GRHL1: variants seen among roughly 807,000 people sequenced by gnomAD.
GRHL1 encodes the protein grainyhead like transcription factor 1.
A neutral mutation model predicts 75.7 loss-of-function variants in GRHL1; 38 were observed. That is an observed-to-expected ratio of 0.50 (90% CI 0.39 to 0.66). GRHL1 has a LOEUF of 0.66. Among genes scored for constraint, GRHL1 ranks in the 30% least tolerant of loss-of-function variants. GRHL1 has a pLI of 0.00. For synonymous variants in GRHL1, 266 were observed against 279.4 expected, an observed-to-expected ratio of 0.95 and a Z score of 0.48; for missense variants, 589 against 767.5, an observed-to-expected ratio of 0.77 and a Z score of 2.75.
intron 7 of GRHL1, chr2:9,964,952 C>T (rs1402284189): frequency 4.3e-6 from 1 of 233,488 alleles, no homozygotes; most frequent in African/African-American, 2.3e-5. Context: ...TTGTAATGCT[C>T]TTGTTTCCTT....
chr2:10,000,186 A>G (rs752022373), intron 15 of GRHL1, among the ~76,000 whole-genome samples: 1 of 152,178 alleles, frequency 6.6e-6, no homozygotes, highest in East Asian at 1.9e-4. Context: ...GGATCTTGCT[A>G]TGTTATCCAG....
chr2:9,955,835 C>G (rs114654696), intron 2 of GRHL1, among the ~76,000 whole-genome samples: 1 of 152,372 alleles, frequency 6.6e-6, no homozygotes, highest in Non-Finnish European at 1.5e-5. Context: ...GCATACCGCT[C>G]TCCTTCTGGA....
chr2:9,981,099 A>G (rs1460681581), intron 8 of GRHL1, among the ~76,000 whole-genome samples: 8 of 152,202 alleles, frequency 5.3e-5, no homozygotes, highest in Admixed American at 3.3e-4. Flanking sequence ...GACCCAAGGG[A>G]GAGCTCTGGC....
intron 8 of GRHL1, among the ~76,000 whole-genome samples, chr2:9,976,560 G>A (rs1667955696): frequency 6.6e-6 from 1 of 152,186 alleles, no homozygotes; most frequent in Admixed American, 6.5e-5. Context: ...TTGAGGCTGT[G>A]TAATGTGTTT....
At chr2:9,969,936 A>G (rs1041791459) in intron 8 of GRHL1, among the ~76,000 whole-genome samples, 1 of 141,572 alleles carries the variant, frequency 7.1e-6, no homozygotes, top group East Asian at 2.1e-4. Flanking sequence ...TCCGCCTCCC[A>G]GGTTCACGCC....
At chr2:9,981,251 T>C (rs13403235) in intron 8 of GRHL1, among the ~76,000 whole-genome samples, 2,682 of 152,314 alleles carry the variant, frequency 0.018, 83 homozygotes, top group African/African-American at 0.061. Context: ...ACTTACCTGG[T>C]CCCCTCCATG....
intron 8 of GRHL1, among the ~76,000 whole-genome samples, chr2:9,979,297 A>G (rs1445630204): frequency 2.0e-5 from 3 of 149,888 alleles, no homozygotes; most frequent in Non-Finnish European, 3.0e-5. Flanking sequence ...GTGCAGTGGC[A>G]TGACACAGCT....
At chr2:9,977,249 C>G (rs1667985860) in intron 8 of GRHL1, among the ~76,000 whole-genome samples, 1 of 152,128 alleles carries the variant, frequency 6.6e-6, no homozygotes, top group Non-Finnish European at 1.5e-5. Context: ...ATTTTGTATG[C>G]CCATCGTTTT....
chr2:9,955,161 C>T, intron 2 of GRHL1, 60 bp downstream of exon 2: 1 of 1,106,026 alleles, frequency 9.0e-7, no homozygotes, highest in Non-Finnish European at 1.3e-6. Context: ...GATTCAGCAG[C>T]ATAGAAACAG....
chr2:9,957,016 T>A (rs1314108500), intron 2 of GRHL1, among the ~76,000 whole-genome samples: 5 of 151,008 alleles, frequency 3.3e-5, no homozygotes, highest in African/African-American at 4.9e-5. Context: ...TTTTTTTTTT[T>A]AATAGAAGCA....
intron 3 of GRHL1, 125 bp downstream of exon 3, chr2:9,958,981 C>CGATA: frequency 7.2e-7 from 1 of 1,387,854 alleles, no homozygotes; most frequent in Non-Finnish European, 9.5e-7. Context: ...TGGACTCTTA[C>CGATA]TATCTAAATT....
intron 8 of GRHL1, among the ~76,000 whole-genome samples, chr2:9,983,686 T>C (rs1438303772): frequency 6.6e-6 from 1 of 152,118 alleles, no homozygotes; most frequent in Non-Finnish European, 1.5e-5. Flanking sequence ...CCACGTGGCC[T>C]AGAATGACAG....
intron 3 of GRHL1, 60 bp downstream of exon 3, chr2:9,958,916 A>G (rs1667152979): frequency 6.3e-7 from 1 of 1,591,972 alleles, no homozygotes; most frequent in Non-Finnish European, 8.6e-7. Context: ...TTTCTGTAAC[A>G]GCAAAATGGG....
chr2:9,963,670 C>T (rs1046388390), intron 5 of GRHL1, among the ~76,000 whole-genome samples: 7 of 152,172 alleles, frequency 4.6e-5, no homozygotes, highest in African/African-American at 1.7e-4. Flanking sequence ...CCCTCAAACT[C>T]AGGATGTCCG....
At chr2:9,973,437 A>C (rs1667818195) in intron 8 of GRHL1, among the ~76,000 whole-genome samples, 1 of 152,192 alleles carries the variant, frequency 6.6e-6, no homozygotes, top group Non-Finnish European at 1.5e-5. Context: ...TGCTATGATG[A>C]TTAAGTGTCT....
intron 9 of GRHL1, among the ~76,000 whole-genome samples, chr2:9,989,855 G>C (rs1393128588): frequency 6.6e-6 from 1 of 151,950 alleles, no homozygotes; most frequent in Admixed American, 6.6e-5. Context: ...CAGCCCACTT[G>C]TTCTCTTTTA....
chr2:9,967,515 G>T (rs925661547), intron 8 of GRHL1, among the ~76,000 whole-genome samples: 5 of 152,212 alleles, frequency 3.3e-5, no homozygotes, highest in African/African-American at 1.2e-4. Flanking sequence ...GCTAATTGAT[G>T]TAGGTAAACT....
intron 4 of GRHL1, among the ~76,000 whole-genome samples, chr2:9,962,003 A>G (rs1040257349): frequency 5.3e-5 from 8 of 152,190 alleles, no homozygotes; most frequent in Non-Finnish European, 8.8e-5. Flanking sequence ...AAGAGCATCC[A>G]TCTCTGCGTA....
rs183119652 is a variant in GRHL1, at chr2:9,957,808, T to C, written c.208-978T>C. Among the ~76,000 whole-genome samples, 990 of 152,286 alleles carry C rather than the reference T, an allele frequency of 6.5e-3. 9 individuals carry two copies. The highest frequency in any genetic ancestry group is 0.022 in the African/African-American group (899 of 41,558). On this transcript the variant is annotated intron_variant, in intron 2 of 15. Transcript: ENST00000324907. ...ACCTTAGCCATTTTGGAGTGCGCAATGGGGTTAAATCTCAGTTGAGTTATT... is the reference window on the plus strand; with the variant it reads ...ACCTTAGCCATTTTGGAGTGCGCAACGGGGTTAAATCTCAGTTGAGTTATT...
Sources: gnomAD v4.1 joint callset for allele counts (sites outside exome capture counted in the v4.1 genomes callset) on GRCh38, gnomAD v4.1.1 for gene constraint, MANE v1.5 for transcripts, NCBI Gene and HGNC (gene_info 2026-07-23, HGNC 2026-07-21) for gene names.